PDE1C: variants seen among roughly 807,000 people sequenced by gnomAD.
PDE1C encodes dual specificity calcium/calmodulin-dependent 3',5'-cyclic nucleotide phosphodiesterase 1C.
A neutral mutation model predicts 93.1 loss-of-function variants in PDE1C; 62 were observed. That is an observed-to-expected ratio of 0.67 (90% CI 0.54 to 0.82). The LOEUF is 0.82. Among genes scored for constraint, PDE1C ranks in the 40% least tolerant of loss-of-function variants. PDE1C has a pLI of 0.00. For missense variants in PDE1C, 742 were observed against 884.6 expected (o/e 0.84, Z 2.04); for synonymous variants, 325 against 310.1 (o/e 1.05, Z -0.50).
At chr7:31,631,262 G>C in the PDE1C span, among the ~76,000 whole-genome samples, 1 of 152,098 alleles carries the variant, frequency 6.6e-6, no homozygotes, top group South Asian at 2.1e-4. Context: ...GGGGCAAAAG[G>C]CATGTGCTCA....
intron 2 of PDE1C, among the ~76,000 whole-genome samples, chr7:31,896,080 C>T (rs1799298369): frequency 1.3e-5 from 2 of 151,972 alleles, no homozygotes; most frequent in South Asian, 4.2e-4. Flanking sequence ...TCATGAAGGT[C>T]AGGTCATACA....
At chr7:32,256,974 T>A (rs1490514485) in intron 1 of PDE1C, among the ~76,000 whole-genome samples, 1 of 152,138 alleles carries the variant, frequency 6.6e-6, no homozygotes, top group Non-Finnish European at 1.5e-5. Flanking sequence ...GAAGCAGGGA[T>A]GAAATTCATC....
chr7:31,937,437 T>A (rs1391952556), intron 2 of PDE1C, among the ~76,000 whole-genome samples: 1 of 152,194 alleles, frequency 6.6e-6, no homozygotes, highest in African/African-American at 2.4e-5. Flanking sequence ...TCTGTTTTCA[T>A]GTTAATGCTG....
At chr7:32,282,802 G>A (rs895573638) in intron 1 of PDE1C, among the ~76,000 whole-genome samples, 6 of 151,930 alleles carry the variant, frequency 3.9e-5, no homozygotes, top group Admixed American at 3.3e-4. Flanking sequence ...GGATGGTCTC[G>A]ATCTCCTAAC....
intron 1 of PDE1C, among the ~76,000 whole-genome samples, chr7:32,282,583 CTTT>C (rs367633822): frequency 1.6e-5 from 2 of 123,702 alleles, no homozygotes; most frequent in Non-Finnish European, 1.6e-5. Context: ...TTTATGTCTT[CTTT>C]TTTTTTTTTT....
chr7:32,135,017 G>T (rs1371440229), intron 3 of PDE1C, among the ~76,000 whole-genome samples: 1 of 152,158 alleles, frequency 6.6e-6, no homozygotes, highest in Non-Finnish European at 1.5e-5. Context: ...TTGACAGCAT[G>T]GGAATTGGTA....
intron 1 of PDE1C, among the ~76,000 whole-genome samples, chr7:32,221,094 G>A (rs926296658): frequency 6.6e-6 from 1 of 152,160 alleles, no homozygotes; most frequent in Non-Finnish European, 1.5e-5. Flanking sequence ...GAGGACAACT[G>A]TCATGAACTC....
At chr7:31,841,410 G>A (rs1386920441) in intron 9 of PDE1C, among the ~76,000 whole-genome samples, 2 of 151,846 alleles carry the variant, frequency 1.3e-5, no homozygotes, top group Non-Finnish European at 1.5e-5. Flanking sequence ...TAACAATGTT[G>A]ATGAATGTAA....
intron 1 of PDE1C, among the ~76,000 whole-genome samples, chr7:32,238,848 A>G (rs1808334704): frequency 6.6e-6 from 1 of 152,230 alleles, no homozygotes; most frequent in Non-Finnish European, 1.5e-5. Context: ...TACATCTTTC[A>G]ATTCAGGAAG....
intron 1 of PDE1C, among the ~76,000 whole-genome samples, chr7:32,365,218 A>G (rs976856958): frequency 4.6e-5 from 7 of 152,154 alleles, no homozygotes; most frequent in Non-Finnish European, 8.8e-5. Flanking sequence ...CCCATGTCCC[A>G]GGCCCAAGAA....
intron 2 of PDE1C, among the ~76,000 whole-genome samples, chr7:31,964,824 G>A (rs1024957143): frequency 3.9e-5 from 6 of 152,266 alleles, no homozygotes; most frequent in South Asian, 2.1e-4. Context: ...CGCAGCCACC[G>A]TTGCTGATAC....
the PDE1C span, among the ~76,000 whole-genome samples, chr7:31,716,276 T>G: frequency 2.0e-5 from 3 of 152,202 alleles, no homozygotes; most frequent in Non-Finnish European, 4.4e-5. Flanking sequence ...TTCATTCAGT[T>G]GCCCAAGTTA....
intron 1 of PDE1C, among the ~76,000 whole-genome samples, chr7:32,238,239 T>C (rs544583563): frequency 2.6e-5 from 4 of 152,338 alleles, no homozygotes; most frequent in African/African-American, 7.2e-5. Context: ...TCAAATGACA[T>C]CTTCTACAAT....
intron 3 of PDE1C, among the ~76,000 whole-genome samples, chr7:32,160,582 C>T (rs1038319624): frequency 4.6e-5 from 7 of 152,162 alleles, no homozygotes; most frequent in Admixed American, 4.6e-4. Flanking sequence ...TGGCTCACGC[C>T]TGTGATCCTG....
At chr7:31,636,452 G>A in the PDE1C span, among the ~76,000 whole-genome samples, 4 of 152,210 alleles carry the variant, frequency 2.6e-5, no homozygotes, top group East Asian at 7.7e-4. Context: ...TAATAATGAT[G>A]TATGGAGAGT....
chr7:32,248,392 C>G (rs780266943), intron 1 of PDE1C, among the ~76,000 whole-genome samples: 2 of 152,120 alleles, frequency 1.3e-5, no homozygotes, highest in Non-Finnish European at 2.9e-5. Flanking sequence ...AGATTCCCAG[C>G]CTTGAATGGG....
At chr7:32,065,608 A>G (rs1452617564) in intron 1 of PDE1C, among the ~76,000 whole-genome samples, 1 of 152,192 alleles carries the variant, frequency 6.6e-6, no homozygotes, top group Non-Finnish European at 1.5e-5. Flanking sequence ...GGCTTAGCAA[A>G]CTGACTGGCA....
intron 3 of PDE1C, among the ~76,000 whole-genome samples, chr7:32,131,688 C>T (rs944991447): frequency 4.6e-5 from 7 of 152,102 alleles, no homozygotes; most frequent in African/African-American, 1.7e-4. Context: ...CTCTTGATTG[C>T]CATTGTCCTA....
chr7:31,947,070 C>T (rs1806720359), intron 2 of PDE1C, among the ~76,000 whole-genome samples: 2 of 152,168 alleles, frequency 1.3e-5, no homozygotes, highest in Admixed American at 6.5e-5. Context: ...CACTTCTTGA[C>T]TTTGGGCTTC....
Sources: gnomAD v4.1 joint callset for allele counts (sites outside exome capture counted in the v4.1 genomes callset) on GRCh38, gnomAD v4.1.1 for gene constraint, MANE v1.5 for transcripts, NCBI Gene and HGNC (gene_info 2026-07-23, HGNC 2026-07-21) for gene names.